Variants in DHX34 observed in about 807,000 individuals in gnomAD.
The protein encoded by DHX34 is probable ATP-dependent RNA helicase DHX34.
A neutral mutation model predicts 111.1 loss-of-function variants in DHX34; 96 were observed. That is an observed-to-expected ratio of 0.86 (90% CI 0.73 to 1.02). The LOEUF (loss-of-function observed/expected upper bound fraction) is 1.02, where lower values mean the gene tolerates loss of function less well. DHX34 is among the 50% of genes least tolerant of loss of function. The pLI, the probability that DHX34 is intolerant of heterozygous loss-of-function variation, is 0.00. For missense variants in DHX34, 1,560 were observed against 1,579.9 expected, an observed-to-expected ratio of 0.99 and a Z score of 0.21; for synonymous variants, 688 against 670.4, an observed-to-expected ratio of 1.03 and a Z score of -0.41.
Position 47,353,500 on chromosome 19 carries a change from G to T in DHX34, c.470G>T (p.Arg157Leu). ...TTTGGGCGTCTGGCCAAGCTGCAGC[G>T]TGAGCGGGCAGCCCTCCCCATCGCC... ...QAFGRLAKLQ[R>L]ERAALPIAQY... is the part of the protein sequence containing the mutation. The change falls in exon 2 of 17, where the codon CGT (arginine) becomes CTT (leucine). Residue 157 changes from arginine to leucine, a missense_variant. Transcript: ENST00000328771. This position sits in a 1 kb window ranked among gnomAD's most constrained non-coding sequence, Gnocchi z 4.6. The T allele has an allele frequency of 6.2e-7, 1 of 1,613,928 alleles. No homozygotes were observed. Among genetic ancestry groups the T allele is most frequent in the Non-Finnish European group, 8.5e-7 (1 of 1,179,966 alleles).
chr19:47,367,254 T>G, intron 7 of DHX34, 99 bp downstream of exon 7: 1 of 1,248,148 alleles, frequency 8.0e-7, no homozygotes, highest in Non-Finnish European at 1.0e-6. Flanking sequence ...GTTTCTTCCC[T>G]GGGTCCAGTT....
At chr19:47,378,005 A>G (rs1970225305) in intron 13 of DHX34, among the ~76,000 whole-genome samples, 1 of 151,972 alleles carries the variant, frequency 6.6e-6, no homozygotes, top group African/African-American at 2.4e-5. Flanking sequence ...TATAGAGGGG[A>G]CTGAAGCTCA....
rs775183244 is a variant in DHX34 at position 47,353,431 on chromosome 19, G to A, written c.401G>A (p.Arg134His). The change falls in exon 2 of 17, where the codon CGC (arginine) becomes CAC (histidine). Residue 134 changes from arginine (R) to histidine (H), a missense_variant. Transcript: ENST00000328771. The surrounding 1 kb of genome is among the most constrained non-coding windows in gnomAD (Gnocchi z 4.6). ...HLPAERVAEF[R>H]RALLHYLDFG... ...CCCGCGGAGAGAGTGGCTGAGTTCC[G>A]CCGAGCCCTGTTGCACTACCTGGAC... 2.4e-5 allele frequency: 38 copies of A among 1,614,028 alleles called. No individual in the cohort carries two copies. Among genetic ancestry groups the A allele is most frequent in the South Asian group, 3.3e-5 (3 of 91,094 alleles).
At chr19:47,366,912 C>G in intron 6 of DHX34, 69 bp from the exon 7 acceptor site, 1 of 1,425,740 alleles carries the variant, frequency 7.0e-7, no homozygotes, top group Non-Finnish European at 9.2e-7. Context: ...TTTGTGATCT[C>G]TGAGCCCCGC....
At chr19:47,375,771 G>T in intron 10 of DHX34, 63 bp downstream of exon 10, 1 of 1,558,234 alleles carries the variant, frequency 6.4e-7, no homozygotes, top group Non-Finnish European at 8.6e-7. Context: ...TCTCCTGGGG[G>T]GGTCCCAGGG....
At chr19:47,379,539 G>A (rs566837773) in intron 13 of DHX34, 171 bp from the exon 14 acceptor site, 19 of 977,462 alleles carry the variant, frequency 1.9e-5, no homozygotes, top group South Asian at 1.4e-4. Context: ...TGTTCATGCC[G>A]TATCCCCAGC....
intron 15 of DHX34, 70 bp downstream of exon 15, chr19:47,381,062 C>A: frequency 6.5e-7 from 1 of 1,549,108 alleles, no homozygotes; most frequent in Non-Finnish European, 8.7e-7. Flanking sequence ...TCACCTTAGT[C>A]CAGGGACATA....
At chr19:47,351,210 GCT>G (rs1408313336) in intron 1 of DHX34, among the ~76,000 whole-genome samples, 2 of 114,846 alleles carry the variant, frequency 1.7e-5, no homozygotes, top group Non-Finnish European at 3.3e-5. Context: ...ACAGAGTCTC[GCT>G]CTGTTGCCCA....
chr19:47,355,424 C>T, intron 3 of DHX34, 74 bp downstream of exon 3: 18 of 1,546,850 alleles, frequency 1.2e-5, no homozygotes, highest in Non-Finnish European at 1.6e-5. Flanking sequence ...CATGCCTCTT[C>T]TCTCTGCTGC....
chr19:47,377,653 C>T (rs1279859109), intron 13 of DHX34, among the ~76,000 whole-genome samples: 1 of 144,356 alleles, frequency 6.9e-6, no homozygotes, highest in South Asian at 2.1e-4. Flanking sequence ...AGTGGGGTGG[C>T]CTGCACAGAG....
rs751023013 is a variant in DHX34 at position 47,376,031 on chromosome 19, C to T, written c.2415C>T (p.Gly805=). The T allele has an allele frequency of 4.4e-6, 7 of 1,604,160 alleles. No individual in the cohort carries two copies. In the East Asian group the frequency reaches 6.7e-5, roughly 15 times the overall value. The part of the protein sequence containing the change: ...EQLALLKLVL[G]RGLYPQLAVP... ...TGGCTCTGCTGAAGCTGGTGCTGGG[C>T]CGGGGCCTGTACCCACAGCTGGCCG... is the stretch of plus-strand genomic sequence containing the variant. Residue 805 remains glycine (G), a synonymous_variant, in exon 11 of 17, where the codon GGC becomes GGT. Coordinates refer to ENST00000328771, the MANE Select transcript of DHX34 (RefSeq NM_014681.6).
At chr19:47,380,372 G>A (rs923343290) in intron 14 of DHX34, among the ~76,000 whole-genome samples, 11 of 152,078 alleles carry the variant, frequency 7.2e-5, no homozygotes, top group African/African-American at 2.7e-4. Flanking sequence ...GGTGGGGAGT[G>A]GAAATTGCTC....
At chr19:47,360,351 T>A (rs1245443298) in intron 5 of DHX34, among the ~76,000 whole-genome samples, 2 of 152,076 alleles carry the variant, frequency 1.3e-5, no homozygotes, top group Non-Finnish European at 2.9e-5. Context: ...GCTGAAAACA[T>A]TTCAGATTTT....
At chr19:47,371,002 T>C (rs1599767807) in intron 7 of DHX34, among the ~76,000 whole-genome samples, 1 of 152,220 alleles carries the variant, frequency 6.6e-6, no homozygotes, top group Admixed American at 6.5e-5. Flanking sequence ...GAAACAGGGC[T>C]AGAGCAGGGA....
intron 9 of DHX34, among the ~76,000 whole-genome samples, chr19:47,374,775 T>C (rs1184904049): frequency 2.6e-5 from 4 of 152,132 alleles, no homozygotes; most frequent in Admixed American, 2.0e-4. Context: ...TCAGGCTTCA[T>C]TGGTCCCCAG....
intron 5 of DHX34, among the ~76,000 whole-genome samples, chr19:47,361,884 CCCTAGTG>C (rs1283686418): frequency 6.6e-6 from 1 of 152,170 alleles, no homozygotes; most frequent in East Asian, 1.9e-4. Flanking sequence ...ACTGCTGTTC[CCCTAGTG>C]CCTAGTGCAG....
At chr19:47,360,407 C>T (rs1463245281) in intron 5 of DHX34, among the ~76,000 whole-genome samples, 1 of 152,084 alleles carries the variant, frequency 6.6e-6, no homozygotes, top group Admixed American at 6.6e-5. Flanking sequence ...TGCTGGAAGA[C>T]GATGTGTGGG....
chr19:47,353,806 G>T lies in DHX34; in HGVS notation c.705+71G>T. 4 of 1,356,174 alleles carry T rather than the reference G, an allele frequency of 2.9e-6. No individual in the cohort carries two copies. The highest frequency in any genetic ancestry group is 2.6e-4 in the Middle Eastern group (1 of 3,826). The allele number at this position is 1,356,174 out of a possible 1,614,324, so 84.0% of individuals were successfully genotyped here. ...GGGGAATAGGTTGCTTGTCCATATGGCAGTATCAATAAAAATGAAGCACTT... is the reference window on the plus strand; with the variant it reads ...GGGGAATAGGTTGCTTGTCCATATGTCAGTATCAATAAAAATGAAGCACTT... On this transcript the variant is annotated intron_variant, in intron 2 of 16. Coordinates refer to ENST00000328771, the MANE Select transcript of DHX34 (RefSeq NM_014681.6). The surrounding 1 kb of genome is among the most constrained non-coding windows in gnomAD (Gnocchi z 4.6).
At position 47,355,355 on chromosome 19, in the gene DHX34, G is replaced by A. The variant is rs1342037647; in HGVS notation, c.1017+5G>A. ...GGGAGGCTGTTCCCCATCACGGTGA[G>A]TACTTCCCCCTCCTCCCACATCCCC... On this transcript the variant is annotated splice_donor_5th_base_variant and intron_variant, in intron 3 of 16. Coordinates refer to ENST00000328771, the MANE Select transcript of DHX34 (RefSeq NM_014681.6). 1.2e-6 allele frequency: 2 copies of A among 1,608,378 alleles called. No homozygotes were observed. The highest frequency in any genetic ancestry group is 2.7e-5 in the African/African-American group (2 of 74,950).
Sources: gnomAD v4.1 joint callset for allele counts (sites outside exome capture counted in the v4.1 genomes callset) on GRCh38, gnomAD v4.1.1 for gene constraint, Gnocchi (gnomAD v3.1) non-coding constraint, MANE v1.5 for transcripts, NCBI Gene and HGNC (gene_info 2026-07-23, HGNC 2026-07-21) for gene names.